NFIL3: variants seen among roughly 807,000 people sequenced by gnomAD.
NFIL3 encodes the protein nuclear factor, interleukin 3 regulated, also known as nuclear factor interleukin-3-regulated protein.
In NFIL3, 5 loss-of-function variants were observed where a neutral mutation model predicts 10.0. The observed-to-expected ratio is 0.50, with a 90% CI of 0.26 to 1.06. NFIL3 has a LOEUF of 1.06. Among genes scored for constraint, NFIL3 ranks in the 50% least tolerant of loss-of-function variants. The pLI, the probability that NFIL3 is intolerant of heterozygous loss-of-function variation, is 0.13. For missense variants in NFIL3, 436 were observed against 547.6 expected (o/e 0.80, Z 2.03); for synonymous variants, 202 against 206.5 (o/e 0.98, Z 0.19).
chr9:91,444,390 T>A, the NFIL3 span, among the ~76,000 whole-genome samples: 1 of 152,266 alleles, frequency 6.6e-6, no homozygotes, highest in Non-Finnish European at 1.5e-5. Context: ...GGATTTCCTT[T>A]AAATCATTAT....
the NFIL3 span, among the ~76,000 whole-genome samples, chr9:91,431,505 A>G: frequency 6.6e-6 from 1 of 152,146 alleles, no homozygotes; most frequent in Non-Finnish European, 1.5e-5. Context: ...TGGAGAGGGG[A>G]AAGGTGTCAC....
the NFIL3 span, among the ~76,000 whole-genome samples, chr9:91,450,499 A>T: frequency 6.6e-5 from 10 of 152,148 alleles, no homozygotes; most frequent in Admixed American, 2.0e-4. Context: ...ATTTCCATAT[A>T]TTTGTGAATT....
chr9:91,468,550 C>T, the NFIL3 span, among the ~76,000 whole-genome samples: 1 of 152,096 alleles, frequency 6.6e-6, no homozygotes, highest in Non-Finnish European at 1.5e-5. Flanking sequence ...AATTAGATCC[C>T]ATTTATCTAT....
the NFIL3 span, among the ~76,000 whole-genome samples, chr9:91,441,325 C>T: frequency 6.6e-6 from 1 of 151,946 alleles, no homozygotes; most frequent in Non-Finnish European, 1.5e-5. Flanking sequence ...TTTCAGCCAC[C>T]CCTGCTCTCT....
At chr9:91,444,461 ATTG>A in the NFIL3 span, among the ~76,000 whole-genome samples, 4 of 152,002 alleles carry the variant, frequency 2.6e-5, no homozygotes, top group Non-Finnish European at 5.9e-5. Context: ...TTACTGAAGA[ATTG>A]TTGTGTTCCT....
chr9:91,434,083 T>C, the NFIL3 span, among the ~76,000 whole-genome samples: 1 of 152,168 alleles, frequency 6.6e-6, no homozygotes, highest in Non-Finnish European at 1.5e-5. Context: ...TAATCTCTCT[T>C]AATCAAAATT....
the NFIL3 span, among the ~76,000 whole-genome samples, chr9:91,482,625 T>G: frequency 6.6e-6 from 1 of 151,952 alleles, no homozygotes; most frequent in East Asian, 1.9e-4. Flanking sequence ...TCAGCCTCCC[T>G]AGTAGCTGGG....
chr9:91,464,235 G>T, the NFIL3 span, among the ~76,000 whole-genome samples: 1 of 151,488 alleles, frequency 6.6e-6, no homozygotes, highest in Non-Finnish European at 1.5e-5. Context: ...ACATGTTTCT[G>T]CCCTCTCAGG....
the NFIL3 span, among the ~76,000 whole-genome samples, chr9:91,466,076 A>C: frequency 6.6e-6 from 1 of 151,948 alleles, no homozygotes; most frequent in African/African-American, 2.4e-5. Flanking sequence ...TCAGTCTTTT[A>C]GTTAGCCTGT....
At chr9:91,467,508 G>T in the NFIL3 span, among the ~76,000 whole-genome samples, 1 of 151,916 alleles carries the variant, frequency 6.6e-6, no homozygotes, top group Non-Finnish European at 1.5e-5. Flanking sequence ...AGTTACAACA[G>T]GGTTTTGTGT....
intron 1 of NFIL3, among the ~76,000 whole-genome samples, chr9:91,414,267 G>A (rs564988319): frequency 1.4e-4 from 22 of 152,280 alleles, no homozygotes; most frequent in South Asian, 1.2e-3. Flanking sequence ...GCAATGGTAC[G>A]ATCTTGGCTC....
At chr9:91,474,926 A>G in the NFIL3 span, among the ~76,000 whole-genome samples, 1 of 152,354 alleles carries the variant, frequency 6.6e-6, no homozygotes, top group African/African-American at 2.4e-5. Flanking sequence ...TATATATTAA[A>G]TGGCAGAACA....
At chr9:91,437,041 T>C in the NFIL3 span, among the ~76,000 whole-genome samples, 1 of 152,144 alleles carries the variant, frequency 6.6e-6, no homozygotes, top group African/African-American at 2.4e-5. Context: ...GCATGCGCAG[T>C]TCCCAGTAGA....
At position 91,410,125 on chromosome 9, in the gene NFIL3, C is replaced by G. The variant is rs1833514418; in HGVS notation, c.610G>C (p.Val204Leu). The G allele has an allele frequency of 6.2e-7, 1 of 1,614,190 alleles. No homozygotes were observed. The highest frequency in any genetic ancestry group is 2.2e-5 in the East Asian group (1 of 44,890). Residue 204 changes from valine to leucine, a missense_variant, in exon 2 of 2, where the codon GTG becomes CTG. Val to Leu is a conservative substitution (Grantham distance 32, BLOSUM62 1). Around this residue, in one of 3 missense-constraint regions of NFIL3, gnomAD observed 338 missense variants for 399.9 expected, o/e 0.85. Coordinates refer to ENST00000297689, the MANE Select transcript of NFIL3 (RefSeq NM_005384.3). This position sits in a 1 kb window ranked among gnomAD's most constrained non-coding sequence, Gnocchi z 5.7. ...SSVEHTQESS[V>L]QGSCRSPENK... ...TCAGGACTTCTGCAGCTTCCCTGCA[C>G]AGAGCTCTCCTGCGTGTGTTCTACT...
At chr9:91,463,186 T>C in the NFIL3 span, among the ~76,000 whole-genome samples, 24 of 151,820 alleles carry the variant, frequency 1.6e-4, no homozygotes, top group Non-Finnish European at 2.8e-4. Flanking sequence ...TCAATTTCAT[T>C]GATTTCTTTT....
chr9:91,461,749 T>C, the NFIL3 span, among the ~76,000 whole-genome samples: 3 of 152,304 alleles, frequency 2.0e-5, no homozygotes, highest in East Asian at 5.8e-4. Context: ...GACACTTGCA[T>C]TGGATTTAGG....
At chr9:91,444,086 A>G in the NFIL3 span, among the ~76,000 whole-genome samples, 1 of 152,158 alleles carries the variant, frequency 6.6e-6, no homozygotes, top group African/African-American at 2.4e-5. Context: ...TAGTAGTGTT[A>G]CATAAGTCCA....
chr9:91,437,566 T>C, the NFIL3 span, among the ~76,000 whole-genome samples: 16 of 152,354 alleles, frequency 1.1e-4, no homozygotes, highest in Middle Eastern at 3.4e-3. Flanking sequence ...AGTACAATTT[T>C]ATTATCTGTA....
chr9:91,459,260 T>C, the NFIL3 span, among the ~76,000 whole-genome samples: 1 of 152,274 alleles, frequency 6.6e-6, no homozygotes, highest in Non-Finnish European at 1.5e-5. Context: ...TAATTGAGTA[T>C]GCCCAAAAAA....
Sources: gnomAD v4.1 joint callset for allele counts (sites outside exome capture counted in the v4.1 genomes callset) on GRCh38, gnomAD v4.1.1 for gene constraint, gnomAD v4.1.1 regional missense constraint, Gnocchi (gnomAD v3.1) non-coding constraint, MANE v1.5 for transcripts, NCBI Gene and HGNC (gene_info 2026-07-23, HGNC 2026-07-21) for gene names.